The following CDH13 variants were observed in gnomAD, a reference collection of about 807,000 sequenced individuals.
The protein encoded by CDH13 is cadherin-13.
In CDH13, 24 loss-of-function variants were observed where a neutral mutation model predicts 63.8. That is an observed-to-expected ratio of 0.38 (90% CI 0.27 to 0.53). The LOEUF is 0.53. CDH13 is among the 20% of genes least tolerant of loss of function. The pLI is 0.85. For missense variants in CDH13, 1,049 were observed against 903.1 expected (o/e 1.16, Z -2.07); for synonymous variants, 503 against 355.3 (o/e 1.42, Z -4.67).
chr16:82,653,162 TC>T (rs2150910849), intron 1 of CDH13, among the ~76,000 whole-genome samples: 1 of 152,256 alleles, frequency 6.6e-6, no homozygotes, highest in African/African-American at 2.4e-5. Context: ...GAACGGTTTT[TC>T]CAAGTGTCTG....
chr16:82,628,054 C>T (rs1907562277), intron 1 of CDH13, among the ~76,000 whole-genome samples: 1 of 152,238 alleles, frequency 6.6e-6, no homozygotes, highest in Non-Finnish European at 1.5e-5. Flanking sequence ...ACCTCTGCAC[C>T]TCAGAGATTT....
In CDH13 at chr16:82,858,711, G is replaced by A. The variant is rs74029263; in HGVS notation, c.157+238G>A. On this transcript the variant is annotated intron_variant, in intron 2 of 13. Transcript: ENST00000567109. ...TATCATCAGTGGGTATCTCCATACT[G>A]CTGTCAGAAAAGGGGGCTGTCAGCC... is the stretch of plus-strand genomic sequence containing the variant. The A allele has an allele frequency of 3.7e-3, 2,211 of 594,624 alleles. 35 individuals are homozygous for A. Among genetic ancestry groups the A allele is most frequent in the African/African-American group, 0.037 (2,003 of 53,996 alleles). The allele number at this position is 594,624 out of a possible 1,614,324, so 36.8% of individuals were successfully genotyped here.
intron 7 of CDH13, among the ~76,000 whole-genome samples, chr16:83,552,449 C>G (rs2150672817): frequency 6.6e-6 from 1 of 152,290 alleles, no homozygotes; most frequent in East Asian, 1.9e-4. Flanking sequence ...AATCCTTTCT[C>G]CAGACATCAC....
intron 3 of CDH13, among the ~76,000 whole-genome samples, chr16:83,082,285 C>T (rs2033305313): frequency 6.6e-6 from 1 of 152,148 alleles, no homozygotes; most frequent in Non-Finnish European, 1.5e-5. Context: ...CCCAAAAAGT[C>T]TTAACTCGTT....
chr16:83,142,160 GTTTTTT>G (rs11445521), intron 4 of CDH13, among the ~76,000 whole-genome samples: 6 of 120,384 alleles, frequency 5.0e-5, no homozygotes, highest in South Asian at 5.4e-4. Context: ...GTTTGTTTTT[GTTTTTT>G]TTTTTTTTTT....
intron 7 of CDH13, among the ~76,000 whole-genome samples, chr16:83,549,369 G>T (rs987915383): frequency 2.6e-5 from 4 of 152,208 alleles, no homozygotes; most frequent in African/African-American, 4.8e-5. Context: ...AGGAGTTTCA[G>T]AAGAAAGTAC....
chr16:83,153,524 C>G (rs145854812), intron 4 of CDH13, among the ~76,000 whole-genome samples: 22 of 152,300 alleles, frequency 1.4e-4, no homozygotes, highest in African/African-American at 5.1e-4. Flanking sequence ...CTGTTATCAC[C>G]TTTGTTTTAA....
chr16:82,751,762 T>G (rs79563937), intron 1 of CDH13, among the ~76,000 whole-genome samples: 19,528 of 152,136 alleles, frequency 0.13, 1,448 homozygotes, highest in East Asian at 0.27. Context: ...CGTTTTCGTT[T>G]TGTACCTAGC....
chr16:83,643,297 A>AAAAC, intron 8 of CDH13, among the ~76,000 whole-genome samples: 1 of 52,808 alleles, frequency 1.9e-5, no homozygotes, highest in Admixed American at 2.3e-4. Flanking sequence ...AAAAAAAAAA[A>AAAAC]AAAAGAAAAA....
chr16:83,390,353 G>A (rs80247957), intron 6 of CDH13, among the ~76,000 whole-genome samples: 16,521 of 152,104 alleles, frequency 0.11, 1,171 homozygotes, highest in Non-Finnish European at 0.16. Context: ...CATAATTTAC[G>A]TAGATACTAT....
At chr16:83,380,600 T>G (rs763099049) in intron 6 of CDH13, among the ~76,000 whole-genome samples, 34 of 152,186 alleles carry the variant, frequency 2.2e-4, no homozygotes, top group Non-Finnish European at 4.3e-4. Flanking sequence ...GAGACGTCAT[T>G]TGGGACAAAA....
At chr16:83,091,399 C>A (rs544621120) in intron 3 of CDH13, among the ~76,000 whole-genome samples, 1 of 152,150 alleles carries the variant, frequency 6.6e-6, no homozygotes, top group African/African-American at 2.4e-5. Context: ...GCCCAATGAC[C>A]AAATCATGAG....
intron 2 of CDH13, among the ~76,000 whole-genome samples, chr16:82,933,846 G>C (rs903064114): frequency 2.0e-5 from 3 of 152,228 alleles, no homozygotes; most frequent in Admixed American, 2.0e-4. Flanking sequence ...CTTTGACTCT[G>C]TGTCTCACAT....
chr16:83,061,156 A>T (rs559718690), intron 3 of CDH13, among the ~76,000 whole-genome samples: 1 of 152,304 alleles, frequency 6.6e-6, no homozygotes, highest in Admixed American at 6.5e-5. Flanking sequence ...AGCACAGTGG[A>T]GGAGAGTTGG....
At chr16:83,345,111 C>G in intron 6 of CDH13, 105 bp downstream of exon 6, 1 of 1,305,420 alleles carries the variant, frequency 7.7e-7, no homozygotes, top group South Asian at 1.5e-5. Flanking sequence ...CTTGTCAGCT[C>G]GTATCAGCGT....
At chr16:83,515,326 T>C (rs985553930) in intron 7 of CDH13, among the ~76,000 whole-genome samples, 3 of 152,220 alleles carry the variant, frequency 2.0e-5, no homozygotes, top group Non-Finnish European at 4.4e-5. Context: ...ATTTCTCTTT[T>C]AAGCATTACA....
rs1567699700 is a variant in CDH13, at chr16:83,478,676, T to TC, written c.782-7797dup. ...CTAAGCCTGCTTCCTTCTTCTCTTT[T>TC]CCCCAAAATTGGGCTGGAATCACCT... is the stretch of plus-strand genomic sequence containing the variant. On this transcript the variant is annotated intron_variant, in intron 6 of 13. Coordinates refer to ENST00000567109, the MANE Select transcript of CDH13 (RefSeq NM_001257.5). Among the ~76,000 whole-genome samples, 9 of 152,124 alleles carry TC rather than the reference T, an allele frequency of 5.9e-5. No homozygotes were observed. In the South Asian group the frequency reaches 1.9e-3, roughly 32 times the overall value.
intron 1 of CDH13, among the ~76,000 whole-genome samples, chr16:82,851,842 C>T (rs2039501635): frequency 6.6e-6 from 1 of 152,190 alleles, no homozygotes; most frequent in Non-Finnish European, 1.5e-5. Context: ...GATATTTTTA[C>T]ATCCTGCAAG....
intron 1 of CDH13, among the ~76,000 whole-genome samples, chr16:82,696,938 G>A (rs552436928): frequency 6.6e-6 from 1 of 152,270 alleles, no homozygotes; most frequent in South Asian, 2.1e-4. Context: ...ATAGGCCTCA[G>A]TTCCTTACCA....
Sources: gnomAD v4.1 joint callset for allele counts (sites outside exome capture counted in the v4.1 genomes callset) on GRCh38, gnomAD v4.1.1 for gene constraint, MANE v1.5 for transcripts, NCBI Gene and HGNC (gene_info 2026-07-23, HGNC 2026-07-21) for gene names.